The following BPNT1 variants were observed in gnomAD, a reference collection of about 807,000 sequenced individuals.
BPNT1 encodes 3'(2'),5'-bisphosphate nucleotidase 1.
Under a neutral mutation model 36.9 loss-of-function variants are expected in BPNT1, and 28 were observed. That is an observed-to-expected ratio of 0.76 (90% confidence interval 0.56 to 1.04). The LOEUF is 1.04. Ranked by LOEUF, BPNT1 falls within the 50% of genes least tolerant of loss-of-function variation. BPNT1 has a pLI of 0.00. For missense variants in BPNT1, 313 were observed against 372.9 expected (o/e 0.84, Z 1.32); for synonymous variants, 119 against 130.9 (o/e 0.91, Z 0.62).
At chr1:220,082,075 T>G (rs1458542543) in intron 1 of BPNT1, among the ~76,000 whole-genome samples, 1 of 109,036 alleles carries the variant, frequency 9.2e-6, no homozygotes, top group African/African-American at 3.2e-5. Context: ...TATATATATA[T>G]ATATATATAT....
intron 7 of BPNT1, among the ~76,000 whole-genome samples, chr1:220,061,672 G>A (rs1385498698): frequency 6.6e-6 from 1 of 152,088 alleles, no homozygotes; most frequent in Admixed American, 6.6e-5. Context: ...TGCCATTAGT[G>A]GGATAGTAAA....
intron 4 of BPNT1, among the ~76,000 whole-genome samples, chr1:220,070,422 T>A (rs1202661228): frequency 6.6e-6 from 1 of 152,088 alleles, no homozygotes; most frequent in Non-Finnish European, 1.5e-5. Context: ...CTCGGCTCAC[T>A]GCAACCTCTG....
At chr1:220,075,850 C>T (rs565825203) in intron 2 of BPNT1, among the ~76,000 whole-genome samples, 7 of 152,054 alleles carry the variant, frequency 4.6e-5, no homozygotes, top group South Asian at 4.1e-4. Flanking sequence ...CCTTTTTTCC[C>T]GACTTAGCAT....
chr1:220,065,978 G>T, intron 6 of BPNT1: 1 of 798,098 alleles, frequency 1.3e-6, no homozygotes, highest in Non-Finnish European at 1.9e-6. Flanking sequence ...AAATGAACTG[G>T]TATGTGGGAT....
intron 1 of BPNT1, among the ~76,000 whole-genome samples, chr1:220,088,898 A>G (rs554906896): frequency 2.0e-5 from 3 of 151,572 alleles, no homozygotes; most frequent in South Asian, 2.1e-4. Flanking sequence ...AGGAGATCGA[A>G]ACCATCCTGA....
At chr1:220,062,722 T>C (rs775521625) in intron 7 of BPNT1, 35 bp downstream of exon 7, 1 of 1,602,102 alleles carries the variant, frequency 6.2e-7, no homozygotes, top group South Asian at 1.1e-5. Context: ...ATGATTCACT[T>C]GCACTTCAGA....
At chr1:220,086,265 T>C (rs948460297) in intron 1 of BPNT1, among the ~76,000 whole-genome samples, 6 of 152,110 alleles carry the variant, frequency 3.9e-5, no homozygotes, top group Non-Finnish European at 4.4e-5. Context: ...GTCGCTAAAC[T>C]TTTAAATACT....
chr1:220,069,248 C>T, intron 5 of BPNT1, 136 bp downstream of exon 5: 1 of 602,314 alleles, frequency 1.7e-6, no homozygotes, highest in Non-Finnish European at 2.7e-6. Flanking sequence ...TAACCATGAG[C>T]ACAAATATAG....
At chr1:220,071,985 C>T (rs1438903982) in intron 4 of BPNT1, among the ~76,000 whole-genome samples, 5 of 152,060 alleles carry the variant, frequency 3.3e-5, no homozygotes, top group Admixed American at 6.6e-5. Context: ...CCATGGCCAG[C>T]GTGAAACCTA....
Position 220,058,715 on chromosome 1 carries a change from G to A in BPNT1, c.*129C>T, listed in dbSNP as rs895812975. On this transcript the variant is annotated 3_prime_UTR_variant, in exon 9 of 9. Coordinates refer to ENST00000322067, the MANE Select transcript of BPNT1 (RefSeq NM_006085.6). ...CCCAGTTAATTTGTATTTTTGTAGA[G>A]ATGGGGTCTCACGATATTGCCCAGG... is the stretch of plus-strand genomic sequence containing the variant. 3 of 942,822 alleles carry A rather than the reference G, an allele frequency of 3.2e-6. No individual in the cohort carries two copies. The African/African-American group carries it at 4.9e-5, about 16-fold the overall frequency. 58.4% of individuals were successfully genotyped at this position (942,822 alleles called of 1,614,324 possible).
Position 220,067,394 on chromosome 1 carries a change from C to G in BPNT1, c.383-1G>C. ...AGAACTGTTACATTGTCAAGAAGACCTGCAAAGAAGAAATAAATATCAGTT... is the reference window on the plus strand; with the variant it reads ...AGAACTGTTACATTGTCAAGAAGACGTGCAAAGAAGAAATAAATATCAGTT... On this transcript the variant is annotated splice_acceptor_variant, in intron 5 of 8. Coordinates refer to ENST00000322067, the MANE Select transcript of BPNT1 (RefSeq NM_006085.6). LOFTEE classifies it high-confidence loss of function. The G allele has an allele frequency of 6.3e-7, 1 of 1,596,168 alleles. No homozygotes were observed. Among genetic ancestry groups the G allele is most frequent in the Non-Finnish European group, 8.6e-7 (1 of 1,169,072 alleles).
rs548185193 is a variant in BPNT1, at chr1:220,064,846, C to T, written c.475-1892G>A. 7.2e-5 allele frequency among the ~76,000 whole-genome samples: 11 copies of T among 152,226 alleles called. No individual in the cohort carries two copies. The East Asian group carries it at 1.4e-3, about 19-fold the overall frequency. On this transcript the variant is annotated intron_variant, in intron 6 of 8. Transcript: ENST00000322067. ...TTTTTGAGACAGAGTCTTACTGTGT[C>T]GCCCAGGCTGGAGTGCAGTGGTGCG...
intron 1 of BPNT1, among the ~76,000 whole-genome samples, chr1:220,086,438 AT>A (rs1015555185): frequency 3.3e-5 from 5 of 151,788 alleles, no homozygotes; most frequent in Non-Finnish European, 7.4e-5. Context: ...CGCCTGGCTA[AT>A]TTTTTTATAT....
In BPNT1 at chr1:220,072,879, A is replaced by G. The variant is rs1362428706; in HGVS notation, c.304T>C (p.Ser102Pro). The change falls in exon 4 of 9, where the codon TCG becomes CCG. Residue 102 changes from serine to proline, a missense_variant. Ser to Pro is a moderately conservative substitution (Grantham distance 74). Transcript: ENST00000322067. ...WEEILKQPCP[S>P]QYSAIKEEDL... ...TCTTCTTTAATAGCACTGTACTGCG[A>G]TGGGCATGGTTGCTTCAGTATTTCT... 2.5e-6 allele frequency: 4 copies of G among 1,614,116 alleles called. No homozygotes were observed. Among genetic ancestry groups the G allele is most frequent in the African/African-American group, 1.3e-5 (1 of 75,060 alleles).
intron 1 of BPNT1, among the ~76,000 whole-genome samples, chr1:220,081,731 C>T (rs927820561): frequency 1.3e-5 from 2 of 151,840 alleles, no homozygotes; most frequent in African/African-American, 2.4e-5. Flanking sequence ...TCACCTGAAA[C>T]GTCACAATAG....
At position 220,062,769 on chromosome 1, in the gene BPNT1, T is replaced by C. The variant is rs753390936; in HGVS notation, c.660A>G (p.Gly220=). 1.2e-6 allele frequency: 2 copies of C among 1,614,170 alleles called. No homozygotes were observed. The highest frequency in any genetic ancestry group is 3.3e-5 in the Admixed American group (2 of 60,000). Residue 220 remains glycine (G), a synonymous_variant, in exon 7 of 9, where the codon GGA becomes GGG. Transcript: ENST00000322067. ...MNPDAVLRVG[G]AGNKIIQLIE... ...ACATTTTTCATACCTTATTTCCTGC[T>C]CCTCCTACTCGCAGCACAGCATCGG...
chr1:220,069,544 G>A (rs1159326891), intron 4 of BPNT1, 112 bp from the exon 5 acceptor site: 2 of 729,074 alleles, frequency 2.7e-6, no homozygotes, highest in Non-Finnish European at 4.4e-6. Context: ...TTGTATTATG[G>A]ATGGCTTAAA....
At chr1:220,084,349 AG>A (rs1655517061) in intron 1 of BPNT1, among the ~76,000 whole-genome samples, 1 of 152,084 alleles carries the variant, frequency 6.6e-6, no homozygotes, top group African/African-American at 2.4e-5. Flanking sequence ...AAAAAGAAAA[AG>A]AAAAAGAAAA....
chr1:220,071,424 C>A (rs938121141), intron 4 of BPNT1, among the ~76,000 whole-genome samples: 1 of 152,102 alleles, frequency 6.6e-6, no homozygotes, highest in Non-Finnish European at 1.5e-5. Flanking sequence ...AGCAAATCTA[C>A]TACATATCTA....
Sources: gnomAD v4.1 joint callset for allele counts (sites outside exome capture counted in the v4.1 genomes callset) on GRCh38, gnomAD v4.1.1 for gene constraint, MANE v1.5 for transcripts, NCBI Gene and HGNC (gene_info 2026-07-23, HGNC 2026-07-21) for gene names.